Variants in NTNG1 observed in about 807,000 individuals in gnomAD.
NTNG1 encodes netrin G1, also known as netrin-G1.
Under a neutral mutation model 54.0 loss-of-function variants are expected in NTNG1, and 16 were observed. The ratio of observed to expected loss-of-function variants is 0.30; its 90% CI spans 0.20 to 0.45. NTNG1 has a LOEUF of 0.45. Among genes scored for constraint, NTNG1 ranks in the 20% least tolerant of loss-of-function variants. NTNG1 has a pLI of 1.00. For missense variants in NTNG1, 530 were observed against 678.7 expected (o/e 0.78, Z 2.43); for synonymous variants, 255 against 263.1 (o/e 0.97, Z 0.30).
At chr1:107,279,633 T>C (rs3125672) in intron 2 of NTNG1, among the ~76,000 whole-genome samples, 116,462 of 152,086 alleles carry the variant, frequency 0.77, 45,226 homozygotes, top group East Asian at 0.9. Flanking sequence ...AATACATCTT[T>C]AGCTTCCTCC....
chr1:107,244,702 CTCTGTCTG>C (rs889568667), intron 2 of NTNG1, among the ~76,000 whole-genome samples: 1 of 152,188 alleles, frequency 6.6e-6, no homozygotes, highest in Non-Finnish European at 1.5e-5. Context: ...CTCCCTTCTT[CTCTGTCTG>C]TCTGTCTGTC....
intron 7 of NTNG1, among the ~76,000 whole-genome samples, chr1:107,441,267 G>C (rs550269877): frequency 6.6e-6 from 1 of 152,256 alleles, no homozygotes; most frequent in Non-Finnish European, 1.5e-5. Context: ...ATAGCCACTT[G>C]TAGAACTAAT....
At chr1:107,279,353 T>G (rs1664680832) in intron 2 of NTNG1, among the ~76,000 whole-genome samples, 1 of 152,228 alleles carries the variant, frequency 6.6e-6, no homozygotes, top group Admixed American at 6.5e-5. Flanking sequence ...CAAAATTGGT[T>G]GTATATTGTC....
In NTNG1 at chr1:107,300,104, G is replaced by A. The variant is rs1334881552; in HGVS notation, c.247-24178G>A. 3.3e-5 allele frequency among the ~76,000 whole-genome samples: 5 copies of A among 152,042 alleles called. No homozygotes were observed. The East Asian group carries it at 5.8e-4, about 18-fold the overall frequency. ...CTCTTCTATAGCAAAACAAGAATGC[G>A]GACCGAGGCATATTTGCCCCTAAAG... On this transcript the variant is annotated intron_variant, in intron 2 of 7. Transcript: ENST00000370068.
At chr1:107,149,428 T>G (rs1367872553) in intron 2 of NTNG1, among the ~76,000 whole-genome samples, 1 of 152,192 alleles carries the variant, frequency 6.6e-6, no homozygotes, top group Non-Finnish European at 1.5e-5. Context: ...CCAACTCCCC[T>G]TATTGTCAAG....
At chr1:107,438,904 C>T (rs1675779396) in intron 7 of NTNG1, among the ~76,000 whole-genome samples, 1 of 152,196 alleles carries the variant, frequency 6.6e-6, no homozygotes, top group Admixed American at 6.5e-5. Context: ...AGTTCCAGAA[C>T]CTCACATACT....
intron 2 of NTNG1, among the ~76,000 whole-genome samples, chr1:107,237,356 C>T (rs1402600663): frequency 1.3e-5 from 2 of 152,074 alleles, no homozygotes; most frequent in African/African-American, 4.8e-5. Context: ...TAAAGGCATT[C>T]GTTTTTATAA....
Position 107,362,137 on chromosome 1 carries a change from T to A in NTNG1, c.888-33017T>A, listed in dbSNP as rs180860289. Among the ~76,000 whole-genome samples the A allele has an allele frequency of 2.7e-3, 413 of 152,266 alleles. 1 individual carries two copies. Among genetic ancestry groups the A allele is most frequent in the Non-Finnish European group, 4.0e-3 (271 of 68,016 alleles). On this transcript the variant is annotated intron_variant, in intron 3 of 7. Coordinates refer to ENST00000370068, the MANE Select transcript of NTNG1 (RefSeq NM_001113226.3). Reference sequence around the variant, plus strand: ...CCATCCCTGAAACCATCCATCAGAATTACCCCAACCTCTACCCATTTTCCT... The same window carrying A: ...CCATCCCTGAAACCATCCATCAGAAATACCCCAACCTCTACCCATTTTCCT...
intron 7 of NTNG1, among the ~76,000 whole-genome samples, chr1:107,443,408 T>TTTTCTTTC (rs1341711311): frequency 1.3e-5 from 2 of 151,868 alleles, no homozygotes; most frequent in Non-Finnish European, 2.9e-5. Flanking sequence ...TTTTTTCTTT[T>TTTTCTTTC]TGGAGGGGAT....
intron 2 of NTNG1, among the ~76,000 whole-genome samples, chr1:107,307,120 C>A (rs1353927070): frequency 6.6e-6 from 1 of 152,196 alleles, no homozygotes; most frequent in Non-Finnish European, 1.5e-5. Context: ...ATAGTACAAT[C>A]AGAGCCATTT....
chr1:107,418,370 G>A (rs913941716), intron 5 of NTNG1, among the ~76,000 whole-genome samples: 1 of 152,036 alleles, frequency 6.6e-6, no homozygotes, highest in Non-Finnish European at 1.5e-5. Flanking sequence ...TGGTAGGGAA[G>A]TAGCTATATA....
chr1:107,300,993 C>A (rs1189308738), intron 2 of NTNG1, among the ~76,000 whole-genome samples: 1 of 151,020 alleles, frequency 6.6e-6, no homozygotes, highest in African/African-American at 2.4e-5. Flanking sequence ...TTCTTTTTTT[C>A]TACCTAAAAG....
rs192024238 is a variant in NTNG1, at chr1:107,244,136, A to T, written c.247-80146A>T. Among the ~76,000 whole-genome samples the T allele has an allele frequency of 4.9e-4, 75 of 152,320 alleles. 1 individual carries two copies. Among genetic ancestry groups the T allele is most frequent in the Admixed American group, 4.6e-3 (70 of 15,296 alleles). ...ATTGCCGCTAATGTGTAGGTTACTAACTTTATATATAATGTTGCCTGTTGT... is the reference window on the plus strand; with the variant it reads ...ATTGCCGCTAATGTGTAGGTTACTATCTTTATATATAATGTTGCCTGTTGT... On this transcript the variant is annotated intron_variant, in intron 2 of 7. Coordinates refer to ENST00000370068, the MANE Select transcript of NTNG1 (RefSeq NM_001113226.3).
chr1:107,238,011 G>A (rs1661534961), intron 2 of NTNG1, among the ~76,000 whole-genome samples: 1 of 152,120 alleles, frequency 6.6e-6, no homozygotes, highest in Non-Finnish European at 1.5e-5. Context: ...CAGAATGGTA[G>A]ACCCACTGAC....
At chr1:107,429,821 A>T (rs779301875) in intron 5 of NTNG1, among the ~76,000 whole-genome samples, 20 of 152,098 alleles carry the variant, frequency 1.3e-4, no homozygotes, top group Non-Finnish European at 2.4e-4. Context: ...GTTGAATTGG[A>T]TTTACAACTT....
chr1:107,334,383 T>C (rs547802577), intron 3 of NTNG1, among the ~76,000 whole-genome samples: 1 of 151,858 alleles, frequency 6.6e-6, no homozygotes. Flanking sequence ...GCAAAGCTGT[T>C]ATAACATATT....
chr1:107,225,738 A>G (rs1453553541), intron 2 of NTNG1, among the ~76,000 whole-genome samples: 1 of 152,194 alleles, frequency 6.6e-6, no homozygotes, highest in Non-Finnish European at 1.5e-5. Flanking sequence ...ATCCCTAGGA[A>G]GTTCTCATGT....
chr1:107,455,927 T>C (rs762152164), intron 7 of NTNG1, among the ~76,000 whole-genome samples: 3 of 152,182 alleles, frequency 2.0e-5, no homozygotes, highest in Non-Finnish European at 2.9e-5. Context: ...TAGCTCAATA[T>C]AGTGATTGCA....
intron 3 of NTNG1, among the ~76,000 whole-genome samples, chr1:107,368,056 C>A (rs913612378): frequency 6.6e-6 from 1 of 152,134 alleles, no homozygotes; most frequent in Non-Finnish European, 1.5e-5. Context: ...CCGTGCCCGG[C>A]CTAAAAACTT....
Sources: gnomAD v4.1 joint callset for allele counts (sites outside exome capture counted in the v4.1 genomes callset) on GRCh38, gnomAD v4.1.1 for gene constraint, MANE v1.5 for transcripts, NCBI Gene and HGNC (gene_info 2026-07-23, HGNC 2026-07-21) for gene names.